Variants in LRRC37A2 observed in about 807,000 individuals in gnomAD.
The protein encoded by LRRC37A2 is leucine-rich repeat-containing protein 37A2.
In LRRC37A2, 9 loss-of-function variants were observed where a neutral mutation model predicts 68.8. The ratio of observed to expected loss-of-function variants is 0.13; its 90% confidence interval spans 0.08 to 0.23. The LOEUF (loss-of-function observed/expected upper bound fraction) is 0.23. LRRC37A2 is among the 10% of genes least tolerant of loss of function. The pLI, the probability that LRRC37A2 is intolerant of heterozygous loss-of-function variation, is 1.00. For synonymous variants in LRRC37A2, 63 were observed against 367.6 expected (o/e 0.17, Z 9.48); for missense variants, 168 against 950.4 (o/e 0.18, Z 10.82).
At chr17:46,691,775 C>T in the LRRC37A2 span, among the ~76,000 whole-genome samples, 7 of 151,372 alleles carry the variant, frequency 4.6e-5, no homozygotes, top group African/African-American at 9.8e-5. Context: ...GTTTTTGAGA[C>T]GGAGTCTCAC....
the LRRC37A2 span, among the ~76,000 whole-genome samples, chr17:46,779,490 C>T: frequency 2.6e-5 from 4 of 152,230 alleles, no homozygotes; most frequent in South Asian, 2.1e-4. Flanking sequence ...TCCTCCACTC[C>T]GACCACCCAC....
At chr17:46,775,906 C>T in the LRRC37A2 span, among the ~76,000 whole-genome samples, 31 of 152,308 alleles carry the variant, frequency 2.0e-4, no homozygotes, top group African/African-American at 7.0e-4. Flanking sequence ...AGCCACCACG[C>T]CCGGCCCAGA....
chr17:46,746,276 G>A, the LRRC37A2 span, among the ~76,000 whole-genome samples: 2 of 152,022 alleles, frequency 1.3e-5, no homozygotes, highest in African/African-American at 4.8e-5. Context: ...TATTCTATGC[G>A]CAGTCATCTG....
the LRRC37A2 span, among the ~76,000 whole-genome samples, chr17:46,728,565 A>G: frequency 6.6e-6 from 1 of 152,044 alleles, no homozygotes; most frequent in African/African-American, 2.4e-5. Flanking sequence ...GGAGTTCAAG[A>G]CAAGCCTGGG....
the LRRC37A2 span, among the ~76,000 whole-genome samples, chr17:46,816,103 G>A: frequency 5.0e-5 from 3 of 59,454 alleles, no homozygotes; most frequent in African/African-American, 1.8e-4. Flanking sequence ...GAAGGCATGC[G>A]CGCGCACGTA....
chr17:46,973,052 G>C, the LRRC37A2 span: 1 of 149,902 alleles, frequency 6.7e-6, no homozygotes, highest in Non-Finnish European at 1.5e-5. Context: ...AGCATCCTTG[G>C]AATCTGCACT....
the LRRC37A2 span, among the ~76,000 whole-genome samples, chr17:46,786,696 G>A: frequency 3.3e-5 from 5 of 152,188 alleles, no homozygotes; most frequent in African/African-American, 9.6e-5. Context: ...ACACAAAGGG[G>A]TGCCGTGCTC....
the LRRC37A2 span, chr17:46,938,521 C>G: frequency 3.1e-6 from 5 of 1,605,948 alleles, no homozygotes; most frequent in African/African-American, 6.7e-5. Flanking sequence ...TGGCAAAGCT[C>G]CATCTCCTGA....
At chr17:47,018,310 T>A in the LRRC37A2 span, 1 of 1,610,780 alleles carries the variant, frequency 6.2e-7, no homozygotes, top group South Asian at 1.1e-5. Context: ...TCTGGGGAGG[T>A]CGAATCTTCT....
the LRRC37A2 span, among the ~76,000 whole-genome samples, chr17:46,748,431 A>G: frequency 2.6e-5 from 4 of 152,168 alleles, no homozygotes; most frequent in Non-Finnish European, 5.9e-5. Context: ...ATTTTTTACA[A>G]CTAGCCAAAC....
the LRRC37A2 span, among the ~76,000 whole-genome samples, chr17:46,389,211 A>G: frequency 6.6e-6 from 1 of 151,782 alleles, no homozygotes; most frequent in African/African-American, 2.4e-5. Flanking sequence ...AAATAAATAA[A>G]TAAATAAAAG....
chr17:46,828,833 G>A, the LRRC37A2 span, among the ~76,000 whole-genome samples: 67 of 151,654 alleles, frequency 4.4e-4, 1 homozygote, highest in Admixed American at 1.8e-3. Context: ...TTGGTGGCTC[G>A]TGCCTGTAGT....
chr17:46,935,302 T>G, the LRRC37A2 span: 1 of 1,547,328 alleles, frequency 6.5e-7, no homozygotes, highest in East Asian at 2.3e-5. Context: ...AGCCCTTGAG[T>G]TTGGGATCCT....
At chr17:46,789,542 T>C in the LRRC37A2 span, among the ~76,000 whole-genome samples, 1 of 152,206 alleles carries the variant, frequency 6.6e-6, no homozygotes, top group Non-Finnish European at 1.5e-5. Context: ...CCCTATGATG[T>C]TCTTTGGCCA....
the LRRC37A2 span, among the ~76,000 whole-genome samples, chr17:46,602,845 A>G: frequency 0.031 from 4,028 of 131,706 alleles, 340 homozygotes; most frequent in African/African-American, 0.11. Flanking sequence ...TGGTGTGGGG[A>G]TATTATGATT....
chr17:46,472,112 A>G, the LRRC37A2 span, among the ~76,000 whole-genome samples: 4 of 68,768 alleles, frequency 5.8e-5, 2 homozygotes, highest in South Asian at 2.3e-3. Context: ...TTAACCTAAC[A>G]ATTTGCCTTT....
the LRRC37A2 span, among the ~76,000 whole-genome samples, chr17:46,690,641 ATTG>A: frequency 7.7e-6 from 1 of 130,384 alleles, no homozygotes; most frequent in Non-Finnish European, 1.6e-5. Context: ...ATATATATAT[ATTG>A]TATAGGGATG....
the LRRC37A2 span, among the ~76,000 whole-genome samples, chr17:47,000,105 ATAAAATAAAATAAAATAAAAT>A: frequency 1.4e-5 from 2 of 140,898 alleles, no homozygotes; most frequent in Admixed American, 7.7e-5. Context: ...ATAAAATAAA[ATAAAATAAAATAAAATAAAAT>A]AAAATAAAAT....
chr17:46,857,474 CAA>C, the LRRC37A2 span, among the ~76,000 whole-genome samples: 84 of 94,652 alleles, frequency 8.9e-4, no homozygotes, highest in South Asian at 1.3e-3. Flanking sequence ...GACTCTGTCT[CAA>C]AAAAAAAAAA....
Sources: allele counts gnomAD v4.1 joint callset (sites outside exome capture counted in the v4.1 genomes callset), GRCh38; gene constraint gnomAD v4.1.1; transcripts MANE v1.5; gene names NCBI Gene and HGNC (gene_info 2026-07-23, HGNC 2026-07-21).